Variants in ZNF423 observed in about 807,000 individuals in gnomAD.
ZNF423 encodes Ebf-associated zinc finger protein.
In ZNF423, 12 loss-of-function variants were observed where a neutral mutation model predicts 95.8. That is an observed-to-expected ratio of 0.13 (90% CI 0.08 to 0.20). ZNF423 has a LOEUF of 0.20. Among genes scored for constraint, ZNF423 ranks in the 10% least tolerant of loss-of-function variants. The pLI is 1.00. For synonymous variants in ZNF423, 749 were observed against 711.9 expected, an observed-to-expected ratio of 1.05 and a Z score of -0.83; for missense variants, 1,316 against 1,737.1, an observed-to-expected ratio of 0.76 and a Z score of 4.31.
intron 1 of ZNF423, among the ~76,000 whole-genome samples, chr16:49,840,426 T>G (rs1555489795): frequency 6.6e-6 from 1 of 152,188 alleles, no homozygotes; most frequent in South Asian, 2.1e-4. Flanking sequence ...ACTTTACACA[T>G]GGCCAGCTGA....
At chr16:49,722,103 C>A (rs4785334) in intron 3 of ZNF423, among the ~76,000 whole-genome samples, 1 of 152,122 alleles carries the variant, frequency 6.6e-6, no homozygotes, top group African/African-American at 2.4e-5. Flanking sequence ...ACACAGCTGT[C>A]TGAGCCAAGA....
At chr16:49,653,327 A>AT (rs1973487023) in intron 3 of ZNF423, among the ~76,000 whole-genome samples, 1 of 151,818 alleles carries the variant, frequency 6.6e-6, no homozygotes, top group South Asian at 2.1e-4. Context: ...AAAAAAAAAA[A>AT]AAAAGAATTC....
intron 5 of ZNF423, among the ~76,000 whole-genome samples, chr16:49,527,175 C>G (rs1968645946): frequency 6.6e-6 from 1 of 152,182 alleles, no homozygotes; most frequent in Admixed American, 6.5e-5. Flanking sequence ...GGCGCACACA[C>G]ACACGTGCAC....
At chr16:49,662,530 GA>G (rs2151915886) in intron 3 of ZNF423, among the ~76,000 whole-genome samples, 2 of 152,298 alleles carry the variant, frequency 1.3e-5, no homozygotes, top group East Asian at 3.9e-4. Context: ...AGCCCTGTTC[GA>G]GGCTCTGGGG....
chr16:49,741,279 G>A (rs1330463543), intron 2 of ZNF423, among the ~76,000 whole-genome samples: 3 of 152,046 alleles, frequency 2.0e-5, no homozygotes, highest in South Asian at 2.1e-4. Flanking sequence ...TGGATCATTT[G>A]AGGTCATGAG....
intron 7 of ZNF423, among the ~76,000 whole-genome samples, chr16:49,500,247 C>A (rs1157197733): frequency 1.3e-5 from 2 of 152,070 alleles, no homozygotes; most frequent in Non-Finnish European, 2.9e-5. Flanking sequence ...TGTGGCTAAG[C>A]CCCTTGGGGA....
chr16:49,731,459 A>G lies in ZNF423; in HGVS notation c.101-488T>C, dbSNP rs964035788. 15 of 743,040 alleles carry G rather than the reference A, an allele frequency of 2.0e-5. 1 individual carries two copies. The highest frequency in any genetic ancestry group is 2.3e-5 in the Non-Finnish European group (14 of 609,050). The allele number at this position is 743,040 out of a possible 1,614,324, so 46.0% of individuals were successfully genotyped here. ...GCTCAGTTCTTTGCAAAGATGTCCAACTCTGAAATAAAGGAAGTACACATG... is the reference window on the plus strand; with the variant it reads ...GCTCAGTTCTTTGCAAAGATGTCCAGCTCTGAAATAAAGGAAGTACACATG... On this transcript the variant is annotated intron_variant, in intron 2 of 7. Coordinates refer to ENST00000563137, the MANE Select transcript of ZNF423 (RefSeq NM_001379286.1).
chr16:49,611,037 T>C (rs144057414), intron 5 of ZNF423, among the ~76,000 whole-genome samples: 1 of 152,026 alleles, frequency 6.6e-6, no homozygotes, highest in Non-Finnish European at 1.5e-5. Context: ...ACAGAAGAAA[T>C]AGACATATCC....
At chr16:49,711,629 A>G (rs1311183797) in intron 3 of ZNF423, 1 of 152,254 alleles carries the variant, frequency 6.6e-6, no homozygotes, top group Non-Finnish European at 1.5e-5. Context: ...AAACCATGAC[A>G]AGCCACTAGT....
intron 5 of ZNF423, among the ~76,000 whole-genome samples, chr16:49,585,687 T>A (rs1045107810): frequency 1.3e-5 from 2 of 152,214 alleles, no homozygotes; most frequent in African/African-American, 4.8e-5. Flanking sequence ...TTCAATTTCA[T>A]GTATAAAGAG....
chr16:49,797,690 C>A (rs768437300), intron 1 of ZNF423, among the ~76,000 whole-genome samples: 3 of 152,248 alleles, frequency 2.0e-5, no homozygotes, highest in Non-Finnish European at 2.9e-5. Context: ...ATGACAGTCA[C>A]ATCACAATCA....
intron 1 of ZNF423, among the ~76,000 whole-genome samples, chr16:49,790,269 A>T (rs2034390717): frequency 6.6e-6 from 1 of 152,258 alleles, no homozygotes; most frequent in South Asian, 2.1e-4. Context: ...TTCAGATTTA[A>T]TGGCCTTTCT....
intron 5 of ZNF423, among the ~76,000 whole-genome samples, chr16:49,528,466 C>G (rs776382827): frequency 1.5e-4 from 23 of 152,272 alleles, no homozygotes; most frequent in Admixed American, 3.9e-4. Flanking sequence ...AAGAGCCCAA[C>G]AGACCACTGT....
At chr16:49,584,004 G>A (rs529738593) in intron 5 of ZNF423, among the ~76,000 whole-genome samples, 1 of 152,322 alleles carries the variant, frequency 6.6e-6, no homozygotes, top group East Asian at 1.9e-4. Context: ...AGGCCTAGAA[G>A]ATGCTAGAAT....
intron 6 of ZNF423, among the ~76,000 whole-genome samples, chr16:49,524,891 G>A (rs926648186): frequency 6.6e-6 from 1 of 152,226 alleles, no homozygotes; most frequent in Non-Finnish European, 1.5e-5. Context: ...CTGGGAACTT[G>A]GCCGGCAGAG....
At chr16:49,738,064 G>A (rs954335671) in intron 2 of ZNF423, among the ~76,000 whole-genome samples, 4 of 152,234 alleles carry the variant, frequency 2.6e-5, no homozygotes, top group Admixed American at 6.5e-5. Context: ...AGAGACATGC[G>A]ACAAACCAGG....
intron 3 of ZNF423, among the ~76,000 whole-genome samples, chr16:49,676,010 G>A (rs1388401567): frequency 1.3e-5 from 2 of 152,162 alleles, no homozygotes; most frequent in East Asian, 3.9e-4. Flanking sequence ...ACACCCCACA[G>A]TGCCCCCTTC....
intron 5 of ZNF423, among the ~76,000 whole-genome samples, chr16:49,572,391 C>T (rs974128091): frequency 3.3e-5 from 5 of 152,078 alleles, no homozygotes; most frequent in Non-Finnish European, 4.4e-5. Context: ...AGGTGTTTTC[C>T]GCAGGAGATG....
chr16:49,517,126 T>C (rs931337354), intron 7 of ZNF423, among the ~76,000 whole-genome samples: 1 of 151,714 alleles, frequency 6.6e-6, no homozygotes, highest in Non-Finnish European at 1.5e-5. Context: ...GAAGACAGAG[T>C]GTAGCTGCCT....
Sources: gnomAD v4.1 joint callset for allele counts (sites outside exome capture counted in the v4.1 genomes callset) on GRCh38, gnomAD v4.1.1 for gene constraint, MANE v1.5 for transcripts, NCBI Gene and HGNC (gene_info 2026-07-23, HGNC 2026-07-21) for gene names.